The following THAP4 variants were observed in gnomAD, a reference collection of about 807,000 sequenced individuals.
The protein encoded by THAP4 is THAP domain containing 4, also known as peroxynitrite isomerase THAP4.
A neutral mutation model predicts 48.1 loss-of-function variants in THAP4; 18 were observed. The observed-to-expected ratio is 0.37, with a 90% CI of 0.26 to 0.56. THAP4 has a LOEUF of 0.56. Ranked by LOEUF, THAP4 falls within the 20% of genes least tolerant of loss-of-function variation. The pLI is 0.78. For synonymous variants in THAP4, 345 were observed against 324.9 expected (o/e 1.06, Z -0.66); for missense variants, 656 against 774.9 (o/e 0.85, Z 1.82).
At chr2:241,617,699 AC>A (rs2067364796) in intron 2 of THAP4, among the ~76,000 whole-genome samples, 1 of 152,146 alleles carries the variant, frequency 6.6e-6, no homozygotes, top group Non-Finnish European at 1.5e-5. Flanking sequence ...GGGCGGAGTG[AC>A]GAGTGCGGCT....
intron 5 of THAP4, among the ~76,000 whole-genome samples, chr2:241,593,624 C>T (rs550909699): frequency 8.1e-4 from 124 of 152,290 alleles, no homozygotes; most frequent in African/African-American, 2.8e-3. Context: ...TACCAGTGGC[C>T]GTGGATGAAG....
chr2:241,620,120 A>G (rs1465274086), intron 2 of THAP4, among the ~76,000 whole-genome samples: 39 of 27,452 alleles, frequency 1.4e-3, no homozygotes, highest in Admixed American at 2.8e-3. Flanking sequence ...GGTGAGGGGT[A>G]AGTGAGTCGG....
intron 1 of THAP4, among the ~76,000 whole-genome samples, chr2:241,635,481 G>A (rs1175196951): frequency 5.3e-5 from 8 of 152,206 alleles, no homozygotes; most frequent in African/African-American, 1.9e-4. Context: ...TGGGCCGGGC[G>A]GGGTGGCTTA....
At chr2:241,589,891 C>T (rs1296641911) in intron 5 of THAP4, among the ~76,000 whole-genome samples, 1 of 152,072 alleles carries the variant, frequency 6.6e-6, no homozygotes, top group Non-Finnish European at 1.5e-5. Context: ...ATCTTGAGAG[C>T]GTTTCAGTGA....
At chr2:241,613,057 C>A (rs890041393) in intron 2 of THAP4, among the ~76,000 whole-genome samples, 30 of 151,894 alleles carry the variant, frequency 2.0e-4, no homozygotes, top group African/African-American at 7.2e-4. Flanking sequence ...TTCTTTTTAC[C>A]TTTTTAATGT....
At chr2:241,593,019 G>C (rs2067005171) in intron 5 of THAP4, among the ~76,000 whole-genome samples, 2 of 152,168 alleles carry the variant, frequency 1.3e-5, no homozygotes, top group African/African-American at 4.8e-5. Context: ...GAGGCGGGTT[G>C]ATCACTTGAG....
chr2:241,624,812 G>T (rs1234824628), intron 2 of THAP4, among the ~76,000 whole-genome samples: 2 of 152,178 alleles, frequency 1.3e-5, no homozygotes, highest in African/African-American at 4.8e-5. Context: ...AGCCCCCCAA[G>T]AATCACTTTA....
intron 2 of THAP4, among the ~76,000 whole-genome samples, chr2:241,613,393 C>T (rs1007453497): frequency 1.3e-5 from 2 of 152,170 alleles, no homozygotes; most frequent in East Asian, 1.9e-4. Context: ...CAGAACTCCC[C>T]ACTGGTCTTG....
chr2:241,589,534 T>A (rs1312739227), intron 5 of THAP4, among the ~76,000 whole-genome samples: 1 of 151,990 alleles, frequency 6.6e-6, no homozygotes, highest in East Asian at 1.9e-4. Flanking sequence ...AACATCACAA[T>A]AAAATACCAC....
intron 2 of THAP4, among the ~76,000 whole-genome samples, chr2:241,623,078 T>C (rs1206188765): frequency 6.6e-6 from 1 of 151,834 alleles, no homozygotes; most frequent in East Asian, 1.9e-4. Flanking sequence ...TAGCTGGGTG[T>C]GGTAGTGCAT....
intron 2 of THAP4, 103 bp from the exon 3 acceptor site, chr2:241,606,576 C>A (rs1200095978): frequency 1.7e-6 from 2 of 1,154,184 alleles, no homozygotes; most frequent in African/African-American, 1.5e-5. Flanking sequence ...TTCTGGTGGC[C>A]ACAGCTAATC....
In THAP4 at chr2:241,610,328, G is replaced by A. The variant is rs1247897297; in HGVS notation, c.1241-3855C>T. Reference sequence around the variant, plus strand: ...AGGCGCCGCATCTCCGCCCTCTCTTGCGCCTGCGGGACCGGGAGGGCCGCG... The same window carrying A: ...AGGCGCCGCATCTCCGCCCTCTCTTACGCCTGCGGGACCGGGAGGGCCGCG... On this transcript the variant is annotated intron_variant, in intron 2 of 5. Coordinates refer to ENST00000407315, the MANE Select transcript of THAP4 (RefSeq NM_015963.6). The surrounding 1 kb of genome is among the most constrained non-coding windows in gnomAD (Gnocchi z 4.2). Among the ~76,000 whole-genome samples, 2 of 152,120 alleles carry A rather than the reference G, an allele frequency of 1.3e-5. No homozygotes were observed. The highest frequency in any genetic ancestry group is 2.9e-5 in the Non-Finnish European group (2 of 67,998).
At chr2:241,584,884 T>A in intron 5 of THAP4, 159 bp from the exon 6 acceptor site, 1 of 841,580 alleles carries the variant, frequency 1.2e-6, no homozygotes, top group South Asian at 1.6e-5. Flanking sequence ...CCCCTGGGCA[T>A]GTCACAATCC....
At chr2:241,602,943 C>A in intron 4 of THAP4, 27 bp downstream of exon 4, 3 of 1,572,036 alleles carry the variant, frequency 1.9e-6, no homozygotes, top group Non-Finnish European at 2.6e-6. Flanking sequence ...CATGGCCAGC[C>A]CTCCCGCCCC....
intron 5 of THAP4, among the ~76,000 whole-genome samples, chr2:241,589,251 C>G (rs1335648113): frequency 6.6e-6 from 1 of 150,896 alleles, no homozygotes; most frequent in Non-Finnish European, 1.5e-5. Context: ...CCCCCACCCC[C>G]ACCAAAAAAA....
intron 2 of THAP4, among the ~76,000 whole-genome samples, chr2:241,614,876 CG>C (rs1478163316): frequency 6.6e-6 from 1 of 151,922 alleles, no homozygotes; most frequent in Non-Finnish European, 1.5e-5. Context: ...GTGACAAGAG[CG>C]AAACTCCATC....
chr2:241,593,280 A>T (rs558335500), intron 5 of THAP4, among the ~76,000 whole-genome samples: 120 of 152,058 alleles, frequency 7.9e-4, no homozygotes, highest in Middle Eastern at 3.4e-3. Flanking sequence ...GTAAAAAATT[A>T]AAAAAAACGG....
chr2:241,624,922 G>A (rs944246368), intron 2 of THAP4, among the ~76,000 whole-genome samples: 2 of 152,158 alleles, frequency 1.3e-5, no homozygotes, highest in Admixed American at 1.3e-4. Context: ...CTCAGGAGAC[G>A]ACAAGGGTTT....
chr2:241,634,055 A>C lies in THAP4; in HGVS notation c.102T>G (p.Arg34=). ...FHRFPLKDSK[R]LIQWLKAVQR... is the part of the protein sequence containing the mutation. ...GAACAGCTTTTAACCATTGGATTAG[A>C]CGTTTTGAGTCCTTTAGGGGGAACC... Residue 34 remains arginine, a synonymous_variant, in exon 2 of 6, where the codon CGT becomes CGG. Transcript: ENST00000407315. 1 of 1,597,058 alleles carries C rather than the reference A, an allele frequency of 6.3e-7. No individual in the cohort carries two copies. The highest frequency in any genetic ancestry group is 1.1e-5 in the South Asian group (1 of 89,196).
Sources: allele counts gnomAD v4.1 joint callset (sites outside exome capture counted in the v4.1 genomes callset), GRCh38; gene constraint gnomAD v4.1.1; non-coding constraint Gnocchi (gnomAD v3.1); transcripts MANE v1.5; gene names NCBI Gene and HGNC (gene_info 2026-07-23, HGNC 2026-07-21).